The following ARNT variants were observed in gnomAD, a reference collection of about 807,000 sequenced individuals.
ARNT encodes the protein aryl hydrocarbon receptor nuclear translocator, also known as class E basic helix-loop-helix protein 2.
Under a neutral mutation model 105.0 loss-of-function variants are expected in ARNT, and 30 were observed. That is an observed-to-expected ratio of 0.29 (90% CI 0.21 to 0.39). The LOEUF (loss-of-function observed/expected upper bound fraction) is 0.39. Ranked by LOEUF, ARNT falls within the 10% of genes least tolerant of loss-of-function variation. The pLI is 1.00. For missense variants in ARNT, 748 were observed against 978.7 expected (o/e 0.76, Z 3.15); for synonymous variants, 304 against 344.0 (o/e 0.88, Z 1.29).
intron 3 of ARNT, among the ~76,000 whole-genome samples, chr1:150,852,341 C>G (rs2102192391): frequency 6.6e-6 from 1 of 152,306 alleles, no homozygotes; most frequent in East Asian, 1.9e-4. Context: ...AAAATTCAGT[C>G]TGGCCTCCTT....
At chr1:150,829,605 T>C (rs1658959335) in intron 11 of ARNT, 6 of 565,200 alleles carry the variant, frequency 1.1e-5, no homozygotes, top group South Asian at 3.5e-5. Flanking sequence ...AATGATACAA[T>C]GAAAAGGATC....
In ARNT at chr1:150,813,305, T is replaced by A; in HGVS notation, c.2147A>T (p.Gln716Leu). Residue 716 changes from glutamine to leucine, a missense_variant, in exon 21 of 22, where the codon CAG becomes CTG. Gln to Leu is a moderately radical substitution (Grantham distance 113). This residue lies in a region of ARNT where 360 missense variants were observed against 411.9 expected (regional missense o/e 0.87). Transcript: ENST00000358595. ...PETGQTAGQFQTRTAEGVGVW... is the reference protein window; with the variant it reads ...PETGQTAGQFLTRTAEGVGVW... ...ACCCACACCCTCTGCTGTCCGTGTC[T>A]GGAATTGTCCTGCAGTCTGTCCAGT... 6.2e-7 allele frequency: 1 copy of A among 1,613,580 alleles called. No homozygotes were observed. The highest frequency in any genetic ancestry group is 8.5e-7 in the Non-Finnish European group (1 of 1,179,742).
intron 13 of ARNT, among the ~76,000 whole-genome samples, chr1:150,825,763 C>T (rs776510322): frequency 7.3e-5 from 11 of 151,602 alleles, no homozygotes; most frequent in Non-Finnish European, 1.6e-4. Context: ...ACAGGAGAAT[C>T]GCTTGAACCT....
rs1428621358 is a variant in ARNT at position 150,810,197 on chromosome 1, AC to A, written c.*1823del. ...GATGCCAGCAATACAGAAATGGCCAACAAGAAAACAAAACAGTCAAAAATAA... is the reference window on the plus strand; with the variant it reads ...GATGCCAGCAATACAGAAATGGCCAAAAGAAAACAAAACAGTCAAAAATAA... On this transcript the variant is annotated 3_prime_UTR_variant, in exon 22 of 22. Transcript: ENST00000358595. 1 of 232,940 alleles carries A rather than the reference AC, an allele frequency of 4.3e-6. No individual in the cohort carries two copies. The highest frequency in any genetic ancestry group is 8.5e-6 in the Non-Finnish European group (1 of 117,604). The allele number at this position is 232,940 out of a possible 1,614,324, so 14.4% of individuals were successfully genotyped here.
At chr1:150,821,277 G>GA (rs1423108257) in intron 14 of ARNT, among the ~76,000 whole-genome samples, 2 of 152,150 alleles carry the variant, frequency 1.3e-5, no homozygotes, top group African/African-American at 4.8e-5. Flanking sequence ...ACTTTTCCCT[G>GA]CTTCTTGGGA....
chr1:150,810,731 A>G lies in ARNT; in HGVS notation c.*1290T>C. 4.5e-6 allele frequency: 1 copy of G among 221,016 alleles called. No individual in the cohort carries two copies. The highest frequency in any genetic ancestry group is 2.2e-5 in the African/African-American group (1 of 44,758). 13.7% of individuals were successfully genotyped at this position (221,016 alleles called of 1,614,324 possible). ...ATCCGCATTTATATGGCTATTGTTA[A>G]TTACCAAGTGACCCTGTTGAGATGG... is the stretch of plus-strand genomic sequence containing the variant. On this transcript the variant is annotated 3_prime_UTR_variant, in exon 22 of 22. Transcript: ENST00000358595.
At chr1:150,868,771 G>A (rs587760028) in intron 1 of ARNT, among the ~76,000 whole-genome samples, 2 of 152,148 alleles carry the variant, frequency 1.3e-5, no homozygotes, top group South Asian at 2.1e-4. Context: ...GCGGTGGCAC[G>A]TGCCTGTAGT....
At chr1:150,852,299 T>G (rs764063569) in intron 3 of ARNT, among the ~76,000 whole-genome samples, 2 of 152,166 alleles carry the variant, frequency 1.3e-5, no homozygotes, top group African/African-American at 2.4e-5. Context: ...CACTGGGATT[T>G]GTGCTGTAGA....
At chr1:150,852,670 A>G in intron 3 of ARNT, 92 bp downstream of exon 3, 1 of 1,175,290 alleles carries the variant, frequency 8.5e-7, no homozygotes, top group Non-Finnish European at 1.2e-6. Flanking sequence ...CTCTCCTTAG[A>G]CCTAAGGACA....
chr1:150,814,245 G>A lies in ARNT; in HGVS notation c.1951-6C>T. On this transcript the variant is annotated splice_region_variant and splice_polypyrimidine_tract_variant and intron_variant, in intron 19 of 21. Transcript: ENST00000358595. ...GTAGCCTGGGTAGCCACCTGCTAAA[G>A]AGAGATGGAGAGGGGATATAGAACA... 1.2e-6 allele frequency: 2 copies of A among 1,613,818 alleles called. No homozygotes were observed. The highest frequency in any genetic ancestry group is 1.7e-6 in the Non-Finnish European group (2 of 1,179,806).
chr1:150,850,996 C>T (rs1202481403), intron 3 of ARNT, among the ~76,000 whole-genome samples: 1 of 146,664 alleles, frequency 6.8e-6, no homozygotes, highest in African/African-American at 2.6e-5. Context: ...AATTGAGGAG[C>T]CCCTCTGCCC....
intron 12 of ARNT, among the ~76,000 whole-genome samples, chr1:150,827,090 A>T (rs182531033): frequency 3.1e-4 from 47 of 152,230 alleles, no homozygotes; most frequent in African/African-American, 1.1e-3. Flanking sequence ...GAAATCTACT[A>T]AAAAAAGGCA....
intron 10 of ARNT, 27 bp from the exon 11 acceptor site, chr1:150,830,007 TAACGGGGACCTCC>T: frequency 1.9e-6 from 3 of 1,612,840 alleles, no homozygotes; most frequent in Non-Finnish European, 2.5e-6. Flanking sequence ...TTAAAAGGTT[TAACGGGGACCTCC>T]AACTCAAATG....
rs1654654841 is a variant in ARNT, at chr1:150,811,217, G to GT, written c.*803dup. On this transcript the variant is annotated 3_prime_UTR_variant, in exon 22 of 22. Transcript: ENST00000358595. Reference sequence around the variant, plus strand: ...TGAATGTGTTCGATAACAGACAATCGTATCAACAGCCGACTTTCTATATTT... The same window carrying GT: ...TGAATGTGTTCGATAACAGACAATCGTTATCAACAGCCGACTTTCTATATTT... The GT allele has an allele frequency of 4.3e-6, 1 of 233,488 alleles. No individual in the cohort carries two copies. Among genetic ancestry groups the GT allele is most frequent in the African/African-American group, 2.2e-5 (1 of 45,314 alleles). 14.5% of individuals were successfully genotyped at this position (233,488 alleles called of 1,614,324 possible).
At chr1:150,834,727 C>T in intron 7 of ARNT, 87 bp from the exon 8 acceptor site, 1 of 1,112,510 alleles carries the variant, frequency 9.0e-7, no homozygotes, top group South Asian at 1.3e-5. Context: ...GATAAGTAAG[C>T]ATCCTATTCA....
At chr1:150,826,717 T>C in intron 12 of ARNT, 100 bp from the exon 13 acceptor site, 2 of 816,240 alleles carry the variant, frequency 2.5e-6, no homozygotes, top group South Asian at 3.4e-5. Flanking sequence ...CGATCTTGGC[T>C]CACTGCAACC....
chr1:150,823,638 C>A (rs1295326918), intron 13 of ARNT, among the ~76,000 whole-genome samples: 1 of 151,716 alleles, frequency 6.6e-6, no homozygotes, highest in African/African-American at 2.4e-5. Flanking sequence ...GCAACCACCA[C>A]CCCTCGGGTT....
chr1:150,814,871 T>C (rs587602231), intron 19 of ARNT, among the ~76,000 whole-genome samples: 3 of 152,288 alleles, frequency 2.0e-5, no homozygotes, highest in South Asian at 2.1e-4. Context: ...AAGTACCATA[T>C]GCAGAGAAAA....
chr1:150,816,776 TA>T lies in ARNT; in HGVS notation c.1802+11del. The T allele has an allele frequency of 6.4e-7, 1 of 1,573,998 alleles. No individual in the cohort carries two copies. The highest frequency in any genetic ancestry group is 8.6e-7 in the Non-Finnish European group (1 of 1,168,536). ...AGGGCCCTGTAAAGCAGCACATATA[TA>T]CGGGGCTCACCTGAAATTCTCTGCC... On this transcript the variant is annotated intron_variant, in intron 18 of 21. Coordinates refer to ENST00000358595, the MANE Select transcript of ARNT (RefSeq NM_001668.4).
Sources: gnomAD v4.1 joint callset for allele counts (sites outside exome capture counted in the v4.1 genomes callset) on GRCh38, gnomAD v4.1.1 for gene constraint, gnomAD v4.1.1 regional missense constraint, MANE v1.5 for transcripts, NCBI Gene and HGNC (gene_info 2026-07-23, HGNC 2026-07-21) for gene names.